Variants in USP31 observed in about 807,000 individuals in gnomAD.
USP31 encodes the protein ubiquitin specific peptidase 31.
In USP31, 44 loss-of-function variants were observed where a neutral mutation model predicts 119.4. The observed-to-expected ratio is 0.37, with a 90% CI of 0.29 to 0.47. The LOEUF (loss-of-function observed/expected upper bound fraction) is 0.47, where lower values mean the gene tolerates loss of function less well. Ranked by LOEUF, USP31 falls within the 20% of genes least tolerant of loss-of-function variation. The probability of loss-of-function intolerance (pLI) is 0.99; values close to 1 mark genes in which losing one functional copy is unlikely to be tolerated. For missense variants in USP31, 1,643 were observed against 1,730.2 expected (o/e 0.95, Z 0.89); for synonymous variants, 749 against 705.6 (o/e 1.06, Z -0.97).
intron 11 of USP31, among the ~76,000 whole-genome samples, chr16:23,083,154 C>A (rs946610573): frequency 6.6e-6 from 1 of 152,094 alleles, no homozygotes; most frequent in Non-Finnish European, 1.5e-5. Context: ...ATGTGCCATG[C>A]ACTGCTCTGG....
At chr16:23,071,316 T>C (rs186911880) in intron 15 of USP31, among the ~76,000 whole-genome samples, 12 of 152,070 alleles carry the variant, frequency 7.9e-5, no homozygotes, top group Middle Eastern at 3.4e-3. Context: ...CTGAGACTTG[T>C]TGGCAGATTG....
At position 23,149,049 on chromosome 16, in the gene USP31, C is replaced by T. The variant is rs931360695; in HGVS notation, c.222G>A (p.Thr74=). ...CGCCCTCAGAGCTAAGGTGCGAGAG[C>T]GTGGACAGCGTCTTGAGAACGCGGC... The part of the protein sequence containing the change: ...FMSRVLKTLS[T]LSHLSSEGAA... Residue 74 remains threonine (T), a synonymous_variant, in exon 1 of 16, where the codon ACG becomes ACA. Transcript: ENST00000219689. 1.6e-6 allele frequency: 2 copies of T among 1,248,790 alleles called. No individual in the cohort carries two copies. Among genetic ancestry groups the T allele is most frequent in the Admixed American group, 2.8e-5 (1 of 35,680 alleles). 77.4% of individuals were successfully genotyped at this position (1,248,790 alleles called of 1,614,324 possible). A position where few individuals can be genotyped will look rare whatever the true frequency, so the allele number is the denominator to read the frequency against.
At chr16:23,082,745 T>C (rs374136434) in intron 11 of USP31, among the ~76,000 whole-genome samples, 188 bp from the exon 12 acceptor site, 131 of 152,146 alleles carry the variant, frequency 8.6e-4, no homozygotes, top group African/African-American at 2.1e-3. Context: ...CAGATTCTGG[T>C]TTGTTGAATA....
chr16:23,082,829 C>CTTTTTTT (rs1388989158), intron 11 of USP31, among the ~76,000 whole-genome samples: 12 of 116,402 alleles, frequency 1.0e-4, no homozygotes, highest in East Asian at 2.3e-4. Flanking sequence ...TTCTTTCTCT[C>CTTTTTTT]TCTTTTTTTT....
rs1025740493 is a variant in USP31, at chr16:23,061,901, G to A, written c.*6145C>T. The A allele has an allele frequency of 9.2e-5, 14 of 152,662 alleles. No homozygotes were observed. Among genetic ancestry groups the A allele is most frequent in the Non-Finnish European group, 8.8e-5 (6 of 68,044 alleles). The allele number at this position is 152,662 out of a possible 1,614,324, so 9.5% of individuals were successfully genotyped here. ...ACCAGTGGTGAGAGGCACAGTTGGT[G>A]AGCAGACCTCTATGGAATGCAAACA... On this transcript the variant is annotated 3_prime_UTR_variant, in exon 16 of 16. Coordinates refer to ENST00000219689, the MANE Select transcript of USP31 (RefSeq NM_020718.4).
At chr16:23,134,800 C>T (rs1323227282) in intron 1 of USP31, among the ~76,000 whole-genome samples, 1 of 151,548 alleles carries the variant, frequency 6.6e-6, no homozygotes, top group African/African-American at 2.4e-5. Context: ...TTAAAACTTT[C>T]TGTAATATAC....
chr16:23,130,920 T>C (rs1383397007), intron 1 of USP31, among the ~76,000 whole-genome samples: 1 of 152,230 alleles, frequency 6.6e-6, no homozygotes, highest in Non-Finnish European at 1.5e-5. Flanking sequence ...AAATGCAAGA[T>C]GCAGGATTCT....
intron 1 of USP31, among the ~76,000 whole-genome samples, chr16:23,117,760 T>TG (rs1555468292): frequency 6.9e-6 from 1 of 145,012 alleles, no homozygotes; most frequent in Non-Finnish European, 1.5e-5. Flanking sequence ...TCTTTTTTTT[T>TG]TTGTTGTTGT....
intron 7 of USP31, among the ~76,000 whole-genome samples, chr16:23,088,706 C>T (rs893592061): frequency 3.3e-5 from 5 of 152,192 alleles, no homozygotes; most frequent in Non-Finnish European, 7.3e-5. Context: ...CAGGAGGCAC[C>T]CTGTTGGCTT....
intron 1 of USP31, among the ~76,000 whole-genome samples, chr16:23,123,505 A>G (rs1310925411): frequency 6.6e-6 from 1 of 152,074 alleles, no homozygotes; most frequent in Non-Finnish European, 1.5e-5. Context: ...GCCACTGCAC[A>G]CCAGCCTGGA....
intron 11 of USP31, among the ~76,000 whole-genome samples, chr16:23,084,626 C>T (rs1380337160): frequency 6.6e-6 from 1 of 152,168 alleles, no homozygotes; most frequent in East Asian, 1.9e-4. Context: ...TTAAAAAGAA[C>T]TATGAAGGTT....
At chr16:23,121,197 C>G (rs540476732) in intron 1 of USP31, among the ~76,000 whole-genome samples, 2 of 152,276 alleles carry the variant, frequency 1.3e-5, no homozygotes, top group South Asian at 4.1e-4. Flanking sequence ...ACCCAGAGTA[C>G]TCCCAGTAAA....
In USP31 at chr16:23,136,609, G is replaced by A. The variant is rs187505601; in HGVS notation, c.633+12029C>T. ...CCGGAGGCTGCAGTGAGCTAAGATC[G>A]TGCCACTGCACTCCAGCCTAGGCAA... On this transcript the variant is annotated intron_variant, in intron 1 of 15. Coordinates refer to ENST00000219689, the MANE Select transcript of USP31 (RefSeq NM_020718.4). Among the ~76,000 whole-genome samples, 12 of 150,958 alleles carry A rather than the reference G, an allele frequency of 7.9e-5. No individual in the cohort carries two copies. In the South Asian group the frequency reaches 1.9e-3, roughly 24 times the overall value.
chr16:23,128,806 A>G (rs781232154), intron 1 of USP31, among the ~76,000 whole-genome samples: 6 of 152,174 alleles, frequency 3.9e-5, no homozygotes, highest in Admixed American at 2.0e-4. Context: ...AAAAGAGGAG[A>G]AAAAAACCTC....
intron 1 of USP31, among the ~76,000 whole-genome samples, chr16:23,118,220 G>C (rs1419823021): frequency 6.6e-6 from 1 of 152,126 alleles, no homozygotes. Flanking sequence ...AAAGCATTTT[G>C]TAAAGTCTAA....
chr16:23,103,017 G>C (rs1471205506), intron 5 of USP31, among the ~76,000 whole-genome samples: 1 of 152,094 alleles, frequency 6.6e-6, no homozygotes, highest in Non-Finnish European at 1.5e-5. Context: ...CTAGTGCAAG[G>C]GTTCCTACAA....
rs1398713667 is a variant in USP31 at position 23,065,275 on chromosome 16, C to A, written c.*2771G>T. Reference sequence around the variant, plus strand: ...ATCATCCCTAGCAGATAATTTTTAACCCCAAAGCACATACACGCTCATTGT... The same window carrying A: ...ATCATCCCTAGCAGATAATTTTTAAACCCAAAGCACATACACGCTCATTGT... On this transcript the variant is annotated 3_prime_UTR_variant, in exon 16 of 16. Transcript: ENST00000219689. 2 of 150,672 alleles carry A rather than the reference C, an allele frequency of 1.3e-5. No individual in the cohort carries two copies. The highest frequency in any genetic ancestry group is 2.5e-5 in the African/African-American group (1 of 40,810). 9.3% of individuals were successfully genotyped at this position (150,672 alleles called of 1,614,324 possible). A position where few individuals can be genotyped will look rare whatever the true frequency, so the allele number is the denominator to read the frequency against.
intron 9 of USP31, among the ~76,000 whole-genome samples, chr16:23,086,652 A>G (rs191106788): frequency 6.6e-6 from 1 of 152,308 alleles, no homozygotes; most frequent in Admixed American, 6.5e-5. Context: ...AAAGGTTGGG[A>G]TAGTGGGGAG....
At chr16:23,097,933 C>T (rs1901684395) in intron 6 of USP31, among the ~76,000 whole-genome samples, 1 of 152,212 alleles carries the variant, frequency 6.6e-6, no homozygotes, top group Non-Finnish European at 1.5e-5. Context: ...TGCCCTCTCT[C>T]ACCACTCCTA....
Sources: allele counts gnomAD v4.1 joint callset (sites outside exome capture counted in the v4.1 genomes callset), GRCh38; gene constraint gnomAD v4.1.1; transcripts MANE v1.5; gene names NCBI Gene and HGNC (gene_info 2026-07-23, HGNC 2026-07-21).